GNL3L: variants seen among roughly 807,000 people sequenced by gnomAD.
GNL3L encodes guanine nucleotide-binding protein-like 3-like protein.
GNL3L carries 4 observed loss-of-function variants against 42.9 expected under a neutral mutation model. That is an observed-to-expected ratio of 0.09 (90% CI 0.05 to 0.21). The LOEUF is 0.21. Among genes scored for constraint, GNL3L ranks in the 10% least tolerant of loss-of-function variants. The probability of loss-of-function intolerance (pLI) is 1.00; values close to 1 mark genes in which losing one functional copy is unlikely to be tolerated. For synonymous variants in GNL3L, 159 were observed against 176.3 expected, an observed-to-expected ratio of 0.90 and a Z score of 0.78; for missense variants, 412 against 481.7, an observed-to-expected ratio of 0.86 and a Z score of 1.36.
chrX:54,597,606 T>G (rs972483567), intron 16 of GNL3L, among the ~76,000 whole-genome samples: 3 of 110,923 alleles, frequency 2.7e-5, no homozygotes, highest in African/African-American at 9.8e-5. Context: ...GGGCCCAGTT[T>G]AGCACTTGGA....
chrX:54,613,960 C>G (rs762532898), intron 16 of GNL3L, among the ~76,000 whole-genome samples: 1 of 110,107 alleles, frequency 9.1e-6, no homozygotes, highest in Admixed American at 9.7e-5. Context: ...AGAAAGGGAC[C>G]GGCAGTGGGT....
intron 16 of GNL3L, among the ~76,000 whole-genome samples, chrX:54,572,645 C>A (rs779031714): frequency 9.2e-6 from 1 of 108,618 alleles, no homozygotes; most frequent in East Asian, 3.0e-4. Context: ...CTGACCCCCC[C>A]ACCTCCCTCC....
At chrX:54,581,829 T>C (rs761108286) in intron 16 of GNL3L, among the ~76,000 whole-genome samples, 1 of 112,217 alleles carries the variant, frequency 8.9e-6, no homozygotes, top group Admixed American at 9.5e-5. Flanking sequence ...ACATTAAGGC[T>C]GATTCCAATT....
chrX:54,530,391 A>G lies in GNL3L; in HGVS notation c.-76A>G, dbSNP rs760975553. On this transcript the variant is annotated 5_prime_UTR_variant, in exon 1 of 16. Coordinates refer to ENST00000360845, the MANE Select transcript of GNL3L (RefSeq NM_001184819.2). Reference sequence around the variant, plus strand: ...AGGATCGTCTATTGGATGTGAAACCAGAGATGCCCGCCAACCTGGAATAGA... The same window carrying G: ...AGGATCGTCTATTGGATGTGAAACCGGAGATGCCCGCCAACCTGGAATAGA... The G allele has an allele frequency of 9.0e-6, 1 of 111,545 alleles. No homozygotes were observed. The highest frequency in any genetic ancestry group is 1.9e-5 in the Non-Finnish European group (1 of 53,012). The allele number at this position is 111,545 out of a possible 1,213,427, so 9.2% of individuals were successfully genotyped here.
chrX:54,580,245 G>A (rs1266240416), intron 16 of GNL3L, among the ~76,000 whole-genome samples: 17 of 99,264 alleles, frequency 1.7e-4, no homozygotes, highest in African/African-American at 1.1e-4. Context: ...GAGAACATGC[G>A]GTGTTTGGTT....
At chrX:54,536,685 T>C (rs1924434733) in intron 2 of GNL3L, among the ~76,000 whole-genome samples, 1 of 107,231 alleles carries the variant, frequency 9.3e-6, no homozygotes, top group Middle Eastern at 4.7e-3. Context: ...CTCCAGAGGC[T>C]GAGGCAGGAG....
chrX:54,532,595 C>T lies in GNL3L; in HGVS notation c.19+10C>T. 8.7e-7 allele frequency: 1 copy of T among 1,145,891 alleles called. No individual in the cohort carries two copies. Among genetic ancestry groups the T allele is most frequent in the Non-Finnish European group, 1.2e-6 (1 of 835,453 alleles). 94.4% of individuals were successfully genotyped at this position (1,145,891 alleles called of 1,213,427 possible). ...ATGAAACTTAGACACAGTGAGTTTC[C>T]TTTACCACCCCTCCCAATCCTGTGC... On this transcript the variant is annotated intron_variant, in intron 2 of 15. Transcript: ENST00000360845.
intron 9 of GNL3L, 21 bp downstream of exon 9, chrX:54,548,394 A>G (rs374949500): frequency 1.1e-4 from 133 of 1,172,067 alleles, no homozygotes; most frequent in Non-Finnish European, 1.4e-4. Context: ...CTGTGTGGTC[A>G]TGGGGCTCAG....
rs1045108371 is a variant in GNL3L, at chrX:54,562,044, C to T, written c.*1442C>T. Among the ~76,000 whole-genome samples, 3 of 112,051 alleles carry T rather than the reference C, an allele frequency of 2.7e-5. No individual in the cohort carries two copies. The highest frequency in any genetic ancestry group is 5.7e-4 in the East Asian group (2 of 3,526). On this transcript the variant is annotated 3_prime_UTR_variant, in exon 16 of 16. Transcript: ENST00000360845. The stretch of plus-strand genomic sequence containing the variant: ...TACCCCAAACTTCCACACCATCCTT[C>T]GACCCACAGCTGCACCTTTATTTAT...
At chrX:54,571,027 A>G (rs960248564), downstream of GNL3L, among the ~76,000 whole-genome samples, 2 of 111,030 alleles carry the variant, frequency 1.8e-5, no homozygotes, top group Non-Finnish European at 3.8e-5. Context: ...CTATTGGGCA[A>G]TGAATTAATT....
chrX:54,595,599 G>A (rs1272572893), intron 16 of GNL3L, among the ~76,000 whole-genome samples: 1 of 111,587 alleles, frequency 9.0e-6, no homozygotes, highest in African/African-American at 3.3e-5. Flanking sequence ...GAAGTTCTCT[G>A]TTATCCCTTT....
chrX:54,632,589 A>G, the GNL3L span, among the ~76,000 whole-genome samples: 2 of 111,052 alleles, frequency 1.8e-5, no homozygotes, highest in Non-Finnish European at 3.8e-5. Flanking sequence ...ATTTCATCGA[A>G]TGTGTCTTTC....
intron 9 of GNL3L, among the ~76,000 whole-genome samples, 153 bp from the exon 10 acceptor site, chrX:54,550,810 C>G (rs1014570267): frequency 5.4e-5 from 6 of 111,255 alleles, no homozygotes; most frequent in African/African-American, 1.6e-4. Context: ...GGGGCTTTGT[C>G]AGGGCCTGGG....
chrX:54,548,784 G>A (rs1924846536), intron 9 of GNL3L, among the ~76,000 whole-genome samples: 1 of 111,380 alleles, frequency 9.0e-6, no homozygotes, highest in Non-Finnish European at 1.9e-5. Flanking sequence ...TGGGAATGGA[G>A]TAGGGAAATT....
rs1403689929 is a variant in GNL3L, at chrX:54,561,568, G to A, written c.*966G>A. ...AAAACAAAGCACCTGTTAGTAGGGA[G>A]GCTTTAGGGGGAAGCCCCGTCTTGG... On this transcript the variant is annotated 3_prime_UTR_variant, in exon 16 of 16. Transcript: ENST00000360845. Among the ~76,000 whole-genome samples, 1 of 112,156 alleles carries A rather than the reference G, an allele frequency of 8.9e-6. No homozygotes were observed. Among genetic ancestry groups the A allele is most frequent in the Non-Finnish European group, 1.9e-5 (1 of 53,196 alleles).
intron 14 of GNL3L, among the ~76,000 whole-genome samples, chrX:54,555,306 G>A (rs957809173): frequency 6.4e-5 from 7 of 109,112 alleles, no homozygotes; most frequent in Admixed American, 4.9e-4. Flanking sequence ...GAGCCACCAT[G>A]CCTGGCCTGG....
At chrX:54,543,428 A>G in intron 7 of GNL3L, 86 bp downstream of exon 7, 3 of 951,447 alleles carry the variant, frequency 3.2e-6, no homozygotes, top group Non-Finnish European at 4.5e-6. Flanking sequence ...TGAACCCAGC[A>G]ACTCAGTGAT....
the GNL3L span, among the ~76,000 whole-genome samples, chrX:54,627,932 C>A: frequency 0.14 from 15,273 of 109,750 alleles, 1,703 homozygotes; most frequent in African/African-American, 0.38. Flanking sequence ...GATTTCTAAG[C>A]TTCTGGTGCA....
chrX:54,553,695 A>G (rs958478367), intron 13 of GNL3L, among the ~76,000 whole-genome samples: 1 of 110,950 alleles, frequency 9.0e-6, no homozygotes, highest in Non-Finnish European at 1.9e-5. Flanking sequence ...GTGCACCACC[A>G]CGCCTGGCTA....
Sources: allele counts gnomAD v4.1 joint callset (sites outside exome capture counted in the v4.1 genomes callset), GRCh38; gene constraint gnomAD v4.1.1; transcripts MANE v1.5; gene names NCBI Gene and HGNC (gene_info 2026-07-23, HGNC 2026-07-21).